Variants in CREB5 observed in about 807,000 individuals in gnomAD.
The protein encoded by CREB5 is cAMP responsive element binding protein 5.
In CREB5, 19 loss-of-function variants were observed where a neutral mutation model predicts 57.1. The ratio of observed to expected loss-of-function variants is 0.33; its 90% confidence interval spans 0.23 to 0.49. The LOEUF (loss-of-function observed/expected upper bound fraction) is 0.49, where lower values mean the gene tolerates loss of function less well. Among genes scored for constraint, CREB5 ranks in the 20% least tolerant of loss-of-function variants. The pLI, the probability that CREB5 is intolerant of heterozygous loss-of-function variation, is 0.99. For synonymous variants in CREB5, 238 were observed against 238.3 expected (o/e 1.00, Z 0.01); for missense variants, 579 against 671.6 (o/e 0.86, Z 1.52).
intron 1 of CREB5, among the ~76,000 whole-genome samples, chr7:28,452,075 G>A (rs1789846944): frequency 1.3e-5 from 2 of 152,158 alleles, no homozygotes; most frequent in African/African-American, 4.8e-5. Flanking sequence ...TTTCAGTGCT[G>A]CACCAGCCCA....
chr7:28,548,609 C>T (rs543011786), intron 4 of CREB5, among the ~76,000 whole-genome samples: 87 of 152,210 alleles, frequency 5.7e-4, no homozygotes, highest in African/African-American at 1.9e-3. Flanking sequence ...TTCCAAAATT[C>T]AGAGCATAGA....
intron 5 of CREB5, among the ~76,000 whole-genome samples, chr7:28,607,017 C>A (rs10237095): frequency 0.02 from 3,073 of 152,216 alleles, 59 homozygotes; most frequent in Admixed American, 0.056. Context: ...TAACTCTCAT[C>A]ATCTTACACT....
chr7:28,474,282 G>A (rs58881576), intron 1 of CREB5, among the ~76,000 whole-genome samples: 6,240 of 152,226 alleles, frequency 0.041, 431 homozygotes, highest in African/African-American at 0.14. Flanking sequence ...TTCAGGGTGC[G>A]TGCTGGGGAA....
intron 7 of CREB5, among the ~76,000 whole-genome samples, chr7:28,775,633 A>G (rs1352983756): frequency 1.4e-5 from 2 of 147,364 alleles, no homozygotes; most frequent in Non-Finnish European, 3.0e-5. Context: ...AACTTGAGTG[A>G]TTTTGGGGGG....
At chr7:28,650,766 G>A (rs1323732552) in intron 5 of CREB5, among the ~76,000 whole-genome samples, 1 of 152,222 alleles carries the variant, frequency 6.6e-6, no homozygotes, top group Non-Finnish European at 1.5e-5. Context: ...GTACTCATCT[G>A]TAGTGGTAGC....
chr7:28,665,161 C>A (rs41336), intron 5 of CREB5, among the ~76,000 whole-genome samples: 1 of 152,008 alleles, frequency 6.6e-6, no homozygotes, highest in Admixed American at 6.6e-5. Context: ...CCTAGCTTGA[C>A]CTCTGCTGCT....
rs373733461 is a variant in CREB5, at chr7:28,366,623, C to A, written c.-25+67182C>A. 1.6e-3 allele frequency among the ~76,000 whole-genome samples: 239 copies of A among 152,258 alleles called. 3 individuals are homozygous for A. The South Asian group carries it at 0.018, about 11-fold the overall frequency. ...TACATCCAAAATCAGAGTAATTTAT[C>A]ACAAAAAAAGTTTTCTAATGATCTA... On this transcript the variant is annotated intron_variant, in intron 1 of 9. Coordinates refer to the CREB5 transcript ENST00000396299.
intron 4 of CREB5, among the ~76,000 whole-genome samples, chr7:28,519,899 T>C (rs1443936124): frequency 6.6e-6 from 1 of 152,212 alleles, no homozygotes; most frequent in African/African-American, 2.4e-5. Flanking sequence ...CACGTAACAG[T>C]GGTTTGTTGT....
rs1021216092 is a variant in CREB5, at chr7:28,821,697, CA to C, written c.*2423del. 9.9e-5 allele frequency: 15 copies of C among 152,136 alleles called. No individual in the cohort carries two copies. Among genetic ancestry groups the C allele is most frequent in the African/African-American group, 3.6e-4 (15 of 41,410 alleles). 9.4% of individuals were successfully genotyped at this position (152,136 alleles called of 1,614,324 possible). On this transcript the variant is annotated 3_prime_UTR_variant, in exon 11 of 11. Transcript: ENST00000357727. ...AACATTCATATCTCTGTTTTGAAAT[CA>C]AAAATCATATTTCAAAATTCTTTCC...
intron 1 of CREB5, among the ~76,000 whole-genome samples, chr7:28,336,409 A>G (rs1021730078): frequency 6.6e-6 from 1 of 151,904 alleles, no homozygotes; most frequent in Non-Finnish European, 1.5e-5. Flanking sequence ...GGATTTCTTC[A>G]TGGTTCAATC....
intron 4 of CREB5, among the ~76,000 whole-genome samples, 161 bp from the exon 5 acceptor site, chr7:28,570,204 C>T (rs1240723305): frequency 2.0e-5 from 3 of 152,138 alleles, no homozygotes; most frequent in East Asian, 1.9e-4. Flanking sequence ...CTCCTCGTAG[C>T]TGTATGTTAT....
chr7:28,445,708 C>T lies in CREB5; in HGVS notation c.3+32791C>T, dbSNP rs189831045. ...CTGGGACTACAGGCGCCCGCCACCA[C>T]GCCTGGCTAATTTTTTGTATTTTTA... On this transcript the variant is annotated intron_variant, in intron 1 of 10. Transcript: ENST00000357727. 3.7e-3 allele frequency among the ~76,000 whole-genome samples: 561 copies of T among 152,122 alleles called. 7 individuals are homozygous for T. The highest frequency in any genetic ancestry group is 0.021 in the East Asian group (107 of 5,152).
chr7:28,641,988 A>G (rs914056982), intron 5 of CREB5, among the ~76,000 whole-genome samples: 1 of 152,190 alleles, frequency 6.6e-6, no homozygotes, highest in Non-Finnish European at 1.5e-5. Flanking sequence ...GCATGTCACA[A>G]TGCGAAGCAA....
chr7:28,495,078 G>A (rs1294236364), intron 3 of CREB5, 79 bp downstream of exon 3: 6 of 905,032 alleles, frequency 6.6e-6, no homozygotes, highest in African/African-American at 3.4e-5. Context: ...TTTGGTAGGC[G>A]AGTCCCACTG....
chr7:28,715,376 A>C (rs111642287), intron 5 of CREB5, among the ~76,000 whole-genome samples: 2 of 152,206 alleles, frequency 1.3e-5, no homozygotes, highest in Admixed American at 1.3e-4. Context: ...TAACTACCTC[A>C]TTGCATTGTT....
chr7:28,722,632 A>AG (rs1187005553), intron 6 of CREB5, among the ~76,000 whole-genome samples: 10 of 152,176 alleles, frequency 6.6e-5, no homozygotes, highest in Non-Finnish European at 1.5e-4. Flanking sequence ...TCAGAGATTT[A>AG]GGGGGGTGCG....
At chr7:28,654,370 T>A (rs1055338251) in intron 5 of CREB5, among the ~76,000 whole-genome samples, 1 of 152,208 alleles carries the variant, frequency 6.6e-6, no homozygotes, top group Non-Finnish European at 1.5e-5. Context: ...TTCCTTTATG[T>A]GCGTAATACA....
intron 5 of CREB5, among the ~76,000 whole-genome samples, chr7:28,715,850 C>T (rs185322270): frequency 8.4e-4 from 128 of 152,124 alleles, no homozygotes; most frequent in Non-Finnish European, 1.0e-3. Context: ...TTAGCTTGAT[C>T]GATATCATTA....
In CREB5 at chr7:28,819,480, T is replaced by C. The variant is rs1809640415; in HGVS notation, c.*201T>C. 4 of 530,232 alleles carry C rather than the reference T, an allele frequency of 7.5e-6. No individual in the cohort carries two copies. Among genetic ancestry groups the C allele is most frequent in the South Asian group, 6.7e-5 (2 of 29,652 alleles). 32.8% of individuals were successfully genotyped at this position (530,232 alleles called of 1,614,324 possible). On this transcript the variant is annotated 3_prime_UTR_variant, in exon 11 of 11. Coordinates refer to ENST00000357727, the MANE Select transcript of CREB5 (RefSeq NM_182898.4). Reference sequence around the variant, plus strand: ...AAAAGGGAGTTATGCAATTAATATCTATCAGCTTGGGAAACGCTTTGGTGC... The same window carrying C: ...AAAAGGGAGTTATGCAATTAATATCCATCAGCTTGGGAAACGCTTTGGTGC...
Sources: allele counts gnomAD v4.1 joint callset (sites outside exome capture counted in the v4.1 genomes callset), GRCh38; gene constraint gnomAD v4.1.1; transcripts MANE v1.5; gene names NCBI Gene and HGNC (gene_info 2026-07-23, HGNC 2026-07-21).